Variants in PCDHGA10 observed in about 807,000 individuals in gnomAD.
PCDHGA10 encodes protocadherin gamma subfamily A, 10, also known as protocadherin gamma-A10.
In PCDHGA10, 42 loss-of-function variants were observed where a neutral mutation model predicts 59.5. The ratio of observed to expected loss-of-function variants is 0.71; its 90% confidence interval spans 0.55 to 0.91. PCDHGA10 has a LOEUF of 0.91. PCDHGA10 is among the 40% of genes least tolerant of loss of function. The pLI is 0.00. For synonymous variants in PCDHGA10, 511 were observed against 517.2 expected (o/e 0.99, Z 0.16); for missense variants, 1,111 against 1,198.2 (o/e 0.93, Z 1.07).
chr5:141,507,631 C>A (rs1435446169), intron 3 of PCDHGA10, among the ~76,000 whole-genome samples: 1 of 152,236 alleles, frequency 6.6e-6, no homozygotes, highest in Non-Finnish European at 1.5e-5. Context: ...TGTGGCCTTG[C>A]GCCCTGAGGC....
Position 141,511,908 on chromosome 5 carries a change from A to T in PCDHGA10, c.*735A>T, listed in dbSNP as rs528200582. The T allele has an allele frequency of 4.5e-5, 7 of 156,536 alleles. No homozygotes were observed. The highest frequency in any genetic ancestry group is 1.9e-4 in the East Asian group (1 of 5,250). The allele number at this position is 156,536 out of a possible 1,614,324, so 9.7% of individuals were successfully genotyped here. A position where few individuals can be genotyped will look rare whatever the true frequency, so the allele number is the denominator to read the frequency against. On this transcript the variant is annotated 3_prime_UTR_variant, in exon 4 of 4. Transcript: ENST00000398610. ...GACTTCCCCCACCTCCTCCTCAAAC[A>T]AGAGACTCCACTGCATGTTCCAAGA...
rs1395688351 is a variant in PCDHGA10 at position 141,485,907 on chromosome 5, C to A, written c.2437-8900C>A. On this transcript the variant is annotated intron_variant, in intron 1 of 3. Coordinates refer to ENST00000398610, the MANE Select transcript of PCDHGA10 (RefSeq NM_018913.3). The surrounding 1 kb of genome is among the most constrained non-coding windows in gnomAD (Gnocchi z 5.7). ...GACAACGCCCCAGCCTTCCAGCAAT[C>A]CAGCTACAGGATTAGTGTGTTGGAG... is the stretch of plus-strand genomic sequence containing the variant. 6.2e-7 allele frequency: 1 copy of A among 1,614,176 alleles called. No homozygotes were observed.
At chr5:141,469,700 T>TA (rs1483261429) in intron 1 of PCDHGA10, among the ~76,000 whole-genome samples, 1 of 152,272 alleles carries the variant, frequency 6.6e-6, no homozygotes, top group African/African-American at 2.4e-5. Context: ...TATGACCTAG[T>TA]AATCACACTA....
intron 1 of PCDHGA10, among the ~76,000 whole-genome samples, chr5:141,455,769 C>T (rs1371335785): frequency 2.6e-5 from 4 of 152,014 alleles, no homozygotes; most frequent in Admixed American, 2.6e-4. Flanking sequence ...AGAGCCGGGG[C>T]TTTAAAAGAA....
chr5:141,458,367 G>A (rs1297876142), intron 1 of PCDHGA10, among the ~76,000 whole-genome samples: 2 of 152,130 alleles, frequency 1.3e-5, no homozygotes, highest in African/African-American at 2.4e-5. Context: ...AGAAGGAAGG[G>A]AGAAGAGAGA....
intron 1 of PCDHGA10, among the ~76,000 whole-genome samples, chr5:141,455,423 CA>C (rs2098822271): frequency 6.6e-6 from 1 of 152,040 alleles, no homozygotes; most frequent in Non-Finnish European, 1.5e-5. Flanking sequence ...AGCGGGGCTC[CA>C]AAAGAGGAGG....
chr5:141,420,271 A>G, intron 1 of PCDHGA10: 1 of 1,536,584 alleles, frequency 6.5e-7, no homozygotes, highest in Non-Finnish European at 8.8e-7. Flanking sequence ...AGATTCTTAA[A>G]CAGGTAAGTA....
intron 1 of PCDHGA10, chr5:141,422,543 T>A: frequency 3.1e-6 from 5 of 1,614,000 alleles, no homozygotes; most frequent in Non-Finnish European, 4.2e-6. Flanking sequence ...GAAACTCATG[T>A]CTGGCTGAAT....
In PCDHGA10 at chr5:141,454,796, A is replaced by ATTTTTTTTTTTTTTTTTTTTT. The variant is rs61612330; in HGVS notation, c.2436+39194_2436+39214dup. Reference sequence around the variant, plus strand: ...AAGGAAATAATCCTCCATGGTTCTAATTTTTTTTTTTTTTTTTTTTTTTTT... The same window carrying ATTTTTTTTTTTTTTTTTTTTT: ...AAGGAAATAATCCTCCATGGTTCTAATTTTTTTTTTTTTTTTTTTTTTTTTTTTTTTTTTTTTTTTTTTTTT... On this transcript the variant is annotated intron_variant, in intron 1 of 3. Transcript: ENST00000398610. Among the ~76,000 whole-genome samples, 10 of 77,454 alleles carry ATTTTTTTTTTTTTTTTTTTTT rather than the reference A, an allele frequency of 1.3e-4. 1 individual carries two copies. Among genetic ancestry groups the ATTTTTTTTTTTTTTTTTTTTT allele is most frequent in the Non-Finnish European group, 1.9e-4 (8 of 42,810 alleles). The allele number at this position is 77,454 out of a possible 152,430, so 50.8% of individuals were successfully genotyped here. A position where few individuals can be genotyped will look rare whatever the true frequency, so the allele number is the denominator to read the frequency against.
chr5:141,416,718 G>T lies in PCDHGA10; in HGVS notation c.2436+1107G>T, dbSNP rs1202204760. The T allele has an allele frequency of 5.9e-5, 9 of 152,308 alleles. No homozygotes were observed. In the East Asian group the frequency reaches 1.5e-3, roughly 26 times the overall value. The allele number at this position is 152,308 out of a possible 1,614,324, so 9.4% of individuals were successfully genotyped here. On this transcript the variant is annotated intron_variant, in intron 1 of 3. Transcript: ENST00000398610. ...AAAGGATCATTGGAGGTACTGATGAGTTCATTTAGTTCAATGAAAATAGTG... is the reference window on the plus strand; with the variant it reads ...AAAGGATCATTGGAGGTACTGATGATTTCATTTAGTTCAATGAAAATAGTG...
At position 141,433,052 on chromosome 5, in the gene PCDHGA10, A is replaced by G. The variant is rs757503771; in HGVS notation, c.2436+17441A>G. The G allele has an allele frequency of 3.1e-6, 5 of 1,614,178 alleles. No individual in the cohort carries two copies. In the Admixed American group the frequency reaches 8.3e-5, roughly 27 times the overall value. ...GGTTTCCCTCACCACGGACTCGCGG[A>G]AGAGTCACCTGATCTTCCCCCAGCC... On this transcript the variant is annotated intron_variant, in intron 1 of 3. Transcript: ENST00000398610.
intron 1 of PCDHGA10, chr5:141,419,181 A>T (rs769321564): frequency 1.9e-6 from 3 of 1,613,858 alleles, no homozygotes; most frequent in Admixed American, 3.3e-5. Flanking sequence ...ATAACCCTGC[A>T]CATTACTGAC....
chr5:141,460,511 A>G (rs533913282), intron 1 of PCDHGA10, among the ~76,000 whole-genome samples: 2 of 152,286 alleles, frequency 1.3e-5, no homozygotes, highest in Admixed American at 1.3e-4. Context: ...TGAGAAGGCT[A>G]TCTTTTCCCC....
At position 141,414,410 on chromosome 5, in the gene PCDHGA10, G is replaced by A. The variant is rs1216701146; in HGVS notation, c.1235G>A (p.Arg412Lys). ...AGTTATTACAGATTGGTGATACACA[G>A]AGCCCTTGACAGGGAACAGGTATCC... is the stretch of plus-strand genomic sequence containing the variant. ...IDSYYRLVIHRALDREQVSSY... is the reference protein window; with the variant it reads ...IDSYYRLVIHKALDREQVSSY... The change falls in exon 1 of 4, where the codon AGA becomes AAA. Residue 412 changes from arginine to lysine, a missense_variant. Transcript: ENST00000398610. 1.2e-6 allele frequency: 2 copies of A among 1,613,856 alleles called. No individual in the cohort carries two copies. Among genetic ancestry groups the A allele is most frequent in the Non-Finnish European group, 1.7e-6 (2 of 1,179,860 alleles).
intron 1 of PCDHGA10, among the ~76,000 whole-genome samples, chr5:141,445,948 G>A (rs538607380): frequency 6.6e-6 from 1 of 152,236 alleles, no homozygotes; most frequent in South Asian, 2.1e-4. Flanking sequence ...GCTTACTCTG[G>A]CTGCTATATG....
chr5:141,423,628 A>G (rs1272272666), intron 1 of PCDHGA10: 2 of 1,604,848 alleles, frequency 1.2e-6, no homozygotes, highest in African/African-American at 1.3e-5. Context: ...CTCAGCTATC[A>G]TTTTAGGCAA....
At chr5:141,459,302 A>T (rs1401348885) in intron 1 of PCDHGA10, among the ~76,000 whole-genome samples, 1 of 152,210 alleles carries the variant, frequency 6.6e-6, no homozygotes, top group African/African-American at 2.4e-5. Flanking sequence ...CCTATAACAT[A>T]TACTATTTTG....
chr5:141,483,711 A>G (rs1258383632), intron 1 of PCDHGA10, among the ~76,000 whole-genome samples: 2 of 152,122 alleles, frequency 1.3e-5, no homozygotes, highest in African/African-American at 2.4e-5. Context: ...TGACACCAGA[A>G]TATTGGTTCC....
At chr5:141,423,669 T>C in intron 1 of PCDHGA10, 1 of 1,554,480 alleles carries the variant, frequency 6.4e-7, no homozygotes, top group Non-Finnish European at 8.7e-7. Flanking sequence ...AGGTGAGATT[T>C]ATTTCTCTGC....
Sources: gnomAD v4.1 joint callset for allele counts (sites outside exome capture counted in the v4.1 genomes callset) on GRCh38, gnomAD v4.1.1 for gene constraint, Gnocchi (gnomAD v3.1) non-coding constraint, MANE v1.5 for transcripts, NCBI Gene and HGNC (gene_info 2026-07-23, HGNC 2026-07-21) for gene names.